Variants in SCNN1B observed in about 807,000 individuals in gnomAD.
The protein encoded by SCNN1B is epithelial sodium channel subunit beta.
SCNN1B carries 46 observed loss-of-function variants against 65.3 expected under a neutral mutation model. The ratio of observed to expected loss-of-function variants is 0.70; its 90% CI spans 0.56 to 0.90. SCNN1B has a LOEUF of 0.90. Ranked by LOEUF, SCNN1B falls within the 40% of genes least tolerant of loss-of-function variation. SCNN1B has a pLI of 0.00. For missense variants in SCNN1B, 751 were observed against 830.5 expected (o/e 0.90, Z 1.18); for synonymous variants, 349 against 330.6 (o/e 1.06, Z -0.60).
At chr16:23,317,174 G>T (rs1460412371) in intron 1 of SCNN1B, among the ~76,000 whole-genome samples, 1 of 152,208 alleles carries the variant, frequency 6.6e-6, no homozygotes, top group African/African-American at 2.4e-5. Flanking sequence ...GAAACTCAGC[G>T]GCCTTGTCTG....
chr16:23,377,597 T>TCTC lies in SCNN1B; in HGVS notation c.1404+212_1404+213insTCC, dbSNP rs1567319393. ...TTCCCTTCCTCCCTCCCTTCTCCCTTCCTTCCTTCCTTCTTTCTTCCTTCC... is the reference window on the plus strand; with the variant it reads ...TTCCCTTCCTCCCTCCCTTCTCCCTTCTCCCTTCCTTCCTTCTTTCTTCCTTCC... On this transcript the variant is annotated intron_variant, in intron 10 of 12. Transcript: ENST00000343070. Among the ~76,000 whole-genome samples the TCTC allele has an allele frequency of 4.9e-3, 685 of 138,634 alleles. 4 individuals carry two copies. Among genetic ancestry groups the TCTC allele is most frequent in the Non-Finnish European group, 7.8e-3 (517 of 65,994 alleles). 90.9% of individuals were successfully genotyped at this position (138,634 alleles called of 152,430 possible).
At position 23,380,319 on chromosome 16, in the gene SCNN1B, C is replaced by T; in HGVS notation, c.1543-102C>T. The T allele has an allele frequency of 6.3e-7, 1 of 1,584,152 alleles. No individual in the cohort carries two copies. ...TTCCCCTGGGCCAAGATGGTCACCCCCTCCCGTTCCCACCCAAGAATCACC... is the reference window on the plus strand; with the variant it reads ...TTCCCCTGGGCCAAGATGGTCACCCTCTCCCGTTCCCACCCAAGAATCACC... On this transcript the variant is annotated intron_variant, in intron 12 of 12. Coordinates refer to ENST00000343070, the MANE Select transcript of SCNN1B (RefSeq NM_000336.3). The surrounding 1 kb of genome is among the most constrained non-coding windows in gnomAD (Gnocchi z 5.4).
At position 23,380,355 on chromosome 16, in the gene SCNN1B, C is replaced by A. The variant is rs72654353; in HGVS notation, c.1543-66C>A. On this transcript the variant is annotated intron_variant, in intron 12 of 12. Coordinates refer to ENST00000343070, the MANE Select transcript of SCNN1B (RefSeq NM_000336.3). The surrounding 1 kb of genome is among the most constrained non-coding windows in gnomAD (Gnocchi z 5.4). Reference sequence around the variant, plus strand: ...CACCCAAGAATCACCTCCCAGGAAGCTGTGAGGCTGGGCTAGAGGCAAGAA... The same window carrying A: ...CACCCAAGAATCACCTCCCAGGAAGATGTGAGGCTGGGCTAGAGGCAAGAA... 1.2e-6 allele frequency: 2 copies of A among 1,611,726 alleles called. No homozygotes were observed.
At chr16:23,354,979 C>A (rs1014465244) in intron 3 of SCNN1B, among the ~76,000 whole-genome samples, 1 of 152,160 alleles carries the variant, frequency 6.6e-6, no homozygotes, top group Non-Finnish European at 1.5e-5. Context: ...TCTGTGCATG[C>A]CCATGAGTTG....
At chr16:23,377,499 T>C (rs749044237) in intron 10 of SCNN1B, 113 bp downstream of exon 10, 15 of 868,484 alleles carry the variant, frequency 1.7e-5, no homozygotes, top group Non-Finnish European at 2.9e-5. Flanking sequence ...CCCTCCCTCC[T>C]TCCTTCCTTC....
At position 23,380,696 on chromosome 16, in the gene SCNN1B, T is replaced by A; in HGVS notation, c.1818T>A (p.Ser606Arg). The change falls in exon 13 of 13, where the codon AGT becomes AGA. Residue 606 changes from serine (S) to arginine (R), a missense_variant. Transcript: ENST00000343070. The surrounding 1 kb of genome is among the most constrained non-coding windows in gnomAD (Gnocchi z 5.4). Reference sequence around the variant, plus strand: ...GCCCCAACACTGGGCCCTACCCCAGTGAGCAGGCCCTGCCCATCCCAGGCA... The same window carrying A: ...GCCCCAACACTGGGCCCTACCCCAGAGAGCAGGCCCTGCCCATCCCAGGCA... ...PRSPNTGPYP[S>R]EQALPIPGTP... is the part of the protein sequence containing the mutation. 6.2e-7 allele frequency: 1 copy of A among 1,612,368 alleles called. No homozygotes were observed. Among genetic ancestry groups the A allele is most frequent in the Non-Finnish European group, 8.5e-7 (1 of 1,179,542 alleles).
chr16:23,295,770 T>C (rs918393403), intron 2 of SCNN1B, among the ~76,000 whole-genome samples: 3 of 152,170 alleles, frequency 2.0e-5, no homozygotes, highest in African/African-American at 4.8e-5. Flanking sequence ...GGTAGTACAG[T>C]GTTAGAGCCT....
chr16:23,323,558 G>A, intron 1 of SCNN1B: 2 of 702,926 alleles, frequency 2.8e-6, no homozygotes, highest in African/African-American at 1.7e-5. Context: ...TTACAGATGG[G>A]GAAACCAGGG....
intron 11 of SCNN1B, 99 bp downstream of exon 11, chr16:23,378,866 A>T: frequency 8.7e-7 from 1 of 1,143,970 alleles, no homozygotes; most frequent in Non-Finnish European, 1.3e-6. Context: ...ACACATTCTC[A>T]CATGGGTCAG....
chr16:23,336,951 C>T (rs1387879848), intron 1 of SCNN1B, among the ~76,000 whole-genome samples: 3 of 151,942 alleles, frequency 2.0e-5, no homozygotes. Flanking sequence ...ATGATCAATG[C>T]TAAGGAAAGC....
At chr16:23,377,898 A>C (rs376538201) in intron 10 of SCNN1B, among the ~76,000 whole-genome samples, 1 of 152,236 alleles carries the variant, frequency 6.6e-6, no homozygotes. Flanking sequence ...GAGAGGGCCA[A>C]GATCACAAGC....
chr16:23,314,324 G>A (rs1039386219), intron 1 of SCNN1B, among the ~76,000 whole-genome samples: 14 of 152,112 alleles, frequency 9.2e-5, no homozygotes, highest in African/African-American at 1.9e-4. Flanking sequence ...TGCCACGCCC[G>A]GCCAGGTACA....
In SCNN1B at chr16:23,348,505, C is replaced by T. The variant is rs72654319; in HGVS notation, c.-8-87C>T. The T allele has an allele frequency of 7.5e-4, 968 of 1,294,378 alleles. 10 individuals carry two copies. In the African/African-American group the frequency reaches 0.013, roughly 17 times the overall value. The allele number at this position is 1,294,378 out of a possible 1,614,324, so 80.2% of individuals were successfully genotyped here. A position where few individuals can be genotyped will look rare whatever the true frequency, so the allele number is the denominator to read the frequency against. ...AGAGGGAGGAAGAACGGGGACGTAC[C>T]GCCGCCCAGTTCCTGGACGTGACTG... is the stretch of plus-strand genomic sequence containing the variant. On this transcript the variant is annotated intron_variant, in intron 1 of 12. Coordinates refer to ENST00000343070, the MANE Select transcript of SCNN1B (RefSeq NM_000336.3). The surrounding 1 kb of genome is among the most constrained non-coding windows in gnomAD (Gnocchi z 4.5).
rs187094977 is a variant in SCNN1B, at chr16:23,314,992, G to A, written c.-9+12555G>A. The stretch of plus-strand genomic sequence containing the variant: ...CCTGGAAAAACAAAGCTGGATTTCA[G>A]AGGTTGGCAGGAAATGGAGACAGAG... On this transcript the variant is annotated intron_variant, in intron 1 of 12. Coordinates refer to ENST00000343070, the MANE Select transcript of SCNN1B (RefSeq NM_000336.3). Among the ~76,000 whole-genome samples the A allele has an allele frequency of 2.6e-5, 4 of 152,328 alleles. No homozygotes were observed. The East Asian group carries it at 7.7e-4, about 29-fold the overall frequency.
At chr16:23,378,838 C>A in intron 11 of SCNN1B, 71 bp downstream of exon 11, 3 of 1,360,928 alleles carry the variant, frequency 2.2e-6, no homozygotes, top group African/African-American at 1.4e-5. Context: ...GGAGTTTGGA[C>A]ACAGGACAGC....
intron 4 of SCNN1B, chr16:23,359,400 T>C (rs1326903424): frequency 6.6e-6 from 1 of 152,318 alleles, no homozygotes; most frequent in African/African-American, 2.4e-5. Flanking sequence ...CCCAAGCCTA[T>C]TTCCCCAGCC....
chr16:23,358,678 T>A (rs1962469007), intron 4 of SCNN1B: 2 of 152,212 alleles, frequency 1.3e-5, no homozygotes, highest in Admixed American at 6.5e-5. Context: ...AGGCCGAAGC[T>A]GGCAGATCGC....
intron 2 of SCNN1B, among the ~76,000 whole-genome samples, chr16:23,287,811 C>CTTTTT (rs34743456): frequency 5.6e-5 from 8 of 141,862 alleles, no homozygotes; most frequent in Non-Finnish European, 1.1e-4. Context: ...GTAGCGTTTC[C>CTTTTT]TTTTTTTTTT....
intron 7 of SCNN1B, among the ~76,000 whole-genome samples, chr16:23,373,877 G>T (rs1234074305): frequency 2.6e-5 from 4 of 152,316 alleles, no homozygotes; most frequent in South Asian, 4.1e-4. Flanking sequence ...GAAACACGGA[G>T]AAGAAGGTAC....
Sources: allele counts gnomAD v4.1 joint callset (sites outside exome capture counted in the v4.1 genomes callset), GRCh38; gene constraint gnomAD v4.1.1; non-coding constraint Gnocchi (gnomAD v3.1); transcripts MANE v1.5; gene names NCBI Gene and HGNC (gene_info 2026-07-23, HGNC 2026-07-21).